The following SH3RF3 variants were observed in gnomAD, a reference collection of about 807,000 sequenced individuals.
SH3RF3 encodes E3 ubiquitin-protein ligase SH3RF3.
Under a neutral mutation model 66.3 loss-of-function variants are expected in SH3RF3, and 29 were observed. The observed-to-expected ratio is 0.44, with a 90% CI of 0.33 to 0.60. The LOEUF (loss-of-function observed/expected upper bound fraction) is 0.60, where lower values mean the gene tolerates loss of function less well. Ranked by LOEUF, SH3RF3 falls within the 20% of genes least tolerant of loss-of-function variation. The probability of loss-of-function intolerance (pLI) is 0.04; values close to 1 mark genes in which losing one functional copy is unlikely to be tolerated. For synonymous variants in SH3RF3, 583 were observed against 532.0 expected (o/e 1.10, Z -1.32); for missense variants, 1,194 against 1,190.9 (o/e 1.00, Z -0.04).
At chr2:109,234,969 C>G (rs577479176) in intron 1 of SH3RF3, among the ~76,000 whole-genome samples, 1 of 152,338 alleles carries the variant, frequency 6.6e-6, no homozygotes, top group Middle Eastern at 3.4e-3. Flanking sequence ...CCTGTTGTCA[C>G]CAGATCCCAA....
At chr2:109,224,279 C>A (rs1160705196) in intron 1 of SH3RF3, among the ~76,000 whole-genome samples, 1 of 152,144 alleles carries the variant, frequency 6.6e-6, no homozygotes, top group Non-Finnish European at 1.5e-5. Context: ...TAAAATAAGA[C>A]TTGTTTGGTA....
intron 1 of SH3RF3, among the ~76,000 whole-genome samples, chr2:109,244,642 C>T (rs1428341693): frequency 1.3e-5 from 2 of 152,182 alleles, no homozygotes; most frequent in South Asian, 4.1e-4. Context: ...GAGAAGATAT[C>T]GGAGTTTCTG....
chr2:109,358,438 T>C (rs1247345385), intron 2 of SH3RF3, among the ~76,000 whole-genome samples: 1 of 152,254 alleles, frequency 6.6e-6, no homozygotes, highest in Non-Finnish European at 1.5e-5. Flanking sequence ...CTAGTTTGCA[T>C]GGTAAAAGCA....
At chr2:109,430,500 A>T (rs1481179137) in intron 5 of SH3RF3, among the ~76,000 whole-genome samples, 1 of 144,420 alleles carries the variant, frequency 6.9e-6, no homozygotes, top group Non-Finnish European at 1.5e-5. Flanking sequence ...GTCCTCTCCC[A>T]TCCTCTCCCC....
rs4321397 is a variant in SH3RF3 at position 109,382,462 on chromosome 2, T to C, written c.945+10781T>C. Among the ~76,000 whole-genome samples the C allele has an allele frequency of 7.6e-3, 1,163 of 152,248 alleles. 15 individuals are homozygous for C. Among genetic ancestry groups the C allele is most frequent in the African/African-American group, 0.027 (1,115 of 41,538 alleles). On this transcript the variant is annotated intron_variant, in intron 3 of 9. Transcript: ENST00000309415. The stretch of plus-strand genomic sequence containing the variant: ...GCCCACCTCCTGACCCCCGACGTGG[T>C]TGGCCTTTCCTCAGTCCTCATCTGC...
chr2:109,153,852 T>C (rs1574477266), intron 1 of SH3RF3, among the ~76,000 whole-genome samples: 1 of 152,376 alleles, frequency 6.6e-6, no homozygotes, highest in East Asian at 1.9e-4. Flanking sequence ...GGCTGACTCC[T>C]GGTCTCCCAC....
chr2:109,283,139 C>A (rs140488688), intron 1 of SH3RF3, among the ~76,000 whole-genome samples: 186 of 152,312 alleles, frequency 1.2e-3, no homozygotes, highest in African/African-American at 3.1e-3. Flanking sequence ...AATAAAAATG[C>A]CCAGGGTACA....
At chr2:109,314,750 T>C (rs1681831697) in intron 1 of SH3RF3, among the ~76,000 whole-genome samples, 1 of 152,238 alleles carries the variant, frequency 6.6e-6, no homozygotes, top group African/African-American at 2.4e-5. Context: ...CAATTTCTTA[T>C]TCTGTAAATT....
At chr2:109,173,467 G>C (rs1056707513) in intron 1 of SH3RF3, among the ~76,000 whole-genome samples, 1 of 152,186 alleles carries the variant, frequency 6.6e-6, no homozygotes, top group African/African-American at 2.4e-5. Context: ...AGTTGACTCT[G>C]CCTTACCCAC....
rs564058519 is a variant in SH3RF3, at chr2:109,282,463, A to G, written c.574-65211A>G. ...CCTGCTCCACCACTGCCAGGTCATG[A>G]GCACTGCAGGAAGGCCCGAGGGTCA... On this transcript the variant is annotated intron_variant, in intron 1 of 9. Transcript: ENST00000309415. 5.3e-5 allele frequency among the ~76,000 whole-genome samples: 8 copies of G among 152,290 alleles called. No homozygotes were observed. In the East Asian group the frequency reaches 1.4e-3, roughly 26 times the overall value.
intron 6 of SH3RF3, among the ~76,000 whole-genome samples, 164 bp from the exon 7 acceptor site, chr2:109,436,729 G>A (rs569443737): frequency 6.6e-6 from 1 of 152,314 alleles, no homozygotes; most frequent in African/African-American, 2.4e-5. Context: ...TTGTAAACAG[G>A]GCCCTTCTGC....
rs79544334 is a variant in SH3RF3 at position 109,406,944 on chromosome 2, A to G, written c.1299+8001A>G. Among the ~76,000 whole-genome samples the G allele has an allele frequency of 5.9e-5, 9 of 152,282 alleles. No homozygotes were observed. The East Asian group carries it at 1.5e-3, about 26-fold the overall frequency. ...CGTCCCCAGGTGCCACTTCCCTGCA[A>G]CTCAGCAAGTTTGCATTTCTGAGCA... On this transcript the variant is annotated intron_variant, in intron 4 of 9. Transcript: ENST00000309415.
chr2:109,340,403 G>A (rs6715526), intron 1 of SH3RF3, among the ~76,000 whole-genome samples: 17,662 of 152,256 alleles, frequency 0.12, 1,181 homozygotes, highest in Middle Eastern at 0.21. Flanking sequence ...CTGGAACCCA[G>A]AGAAGCACAT....
At chr2:109,284,270 G>A (rs928781434) in intron 1 of SH3RF3, among the ~76,000 whole-genome samples, 4 of 152,198 alleles carry the variant, frequency 2.6e-5, no homozygotes, top group African/African-American at 9.6e-5. Context: ...ATTTCCTTGA[G>A]CATCTTCACT....
chr2:109,294,201 A>C (rs542571455), intron 1 of SH3RF3, among the ~76,000 whole-genome samples: 1 of 152,324 alleles, frequency 6.6e-6, no homozygotes, highest in African/African-American at 2.4e-5. Context: ...TGTCACATAC[A>C]GCTCCTTGGT....
chr2:109,308,665 A>G (rs2105419526), intron 1 of SH3RF3, among the ~76,000 whole-genome samples: 1 of 50,210 alleles, frequency 2.0e-5, no homozygotes, highest in Non-Finnish European at 3.0e-5. Context: ...TCCCAGCACC[A>G]TTTATTAAAT....
chr2:109,340,437 A>C (rs921669839), intron 1 of SH3RF3, among the ~76,000 whole-genome samples: 1 of 152,194 alleles, frequency 6.6e-6, no homozygotes, highest in Non-Finnish European at 1.5e-5. Context: ...GGGTGAGAGA[A>C]GGTTTACACC....
At chr2:109,367,977 C>G (rs1683182820) in intron 2 of SH3RF3, among the ~76,000 whole-genome samples, 1 of 152,242 alleles carries the variant, frequency 6.6e-6, no homozygotes, top group East Asian at 1.9e-4. Flanking sequence ...TTATGTTTCT[C>G]ATTGCTAATT....
chr2:109,409,790 T>C (rs1559068339), intron 4 of SH3RF3, among the ~76,000 whole-genome samples: 1 of 152,052 alleles, frequency 6.6e-6, no homozygotes, highest in East Asian at 2.0e-4. Context: ...CCATAAATGT[T>C]TTATTCTAGA....
Sources: gnomAD v4.1 joint callset for allele counts (sites outside exome capture counted in the v4.1 genomes callset) on GRCh38, gnomAD v4.1.1 for gene constraint, MANE v1.5 for transcripts, NCBI Gene and HGNC (gene_info 2026-07-23, HGNC 2026-07-21) for gene names.